Variants in DSC1 observed in about 807,000 individuals in gnomAD.
DSC1 encodes the protein desmocollin-1.
Under a neutral mutation model 98.8 loss-of-function variants are expected in DSC1, and 79 were observed. That is an observed-to-expected ratio of 0.80 (90% confidence interval 0.67 to 0.96). The LOEUF (loss-of-function observed/expected upper bound fraction) is 0.96, where lower values mean the gene tolerates loss of function less well. Among genes scored for constraint, DSC1 ranks in the 50% least tolerant of loss-of-function variants. The pLI is 0.00. For missense variants in DSC1, 1,115 were observed against 1,075.9 expected, an observed-to-expected ratio of 1.04 and a Z score of -0.51; for synonymous variants, 405 against 372.1, an observed-to-expected ratio of 1.09 and a Z score of -1.02.
chr18:31,136,001 A>G (rs1017370142), intron 11 of DSC1, among the ~76,000 whole-genome samples: 4 of 152,088 alleles, frequency 2.6e-5, no homozygotes, highest in Non-Finnish European at 4.4e-5. Flanking sequence ...TTTTCTGTTG[A>G]ATAACTACAA....
At chr18:31,149,997 T>C (rs908718616) in intron 5 of DSC1, among the ~76,000 whole-genome samples, 3 of 146,392 alleles carry the variant, frequency 2.0e-5, no homozygotes, top group African/African-American at 7.5e-5. Flanking sequence ...TCATTACCAC[T>C]TCACCATACC....
At position 31,143,756 on chromosome 18, in the gene DSC1, T is replaced by C. The variant is rs368296703; in HGVS notation, c.975A>G (p.Arg325=). 2 of 1,601,846 alleles carry C rather than the reference T, an allele frequency of 1.2e-6. No homozygotes were observed. Among genetic ancestry groups the C allele is most frequent in the Non-Finnish European group, 1.7e-6 (2 of 1,174,094 alleles). ...CDTYQLIMEV[R]DMGGQPFGLF... is the part of the protein sequence containing the mutation. ...AACCGAAAGGCTGACCACCCATGTC[T>C]CGCACTTCCATTATTAACTGGTAAG... Residue 325 remains arginine, a synonymous_variant, in exon 8 of 16, where the codon CGA becomes CGG. Transcript: ENST00000257198.
Position 31,157,449 on chromosome 18 carries a change from A to C in DSC1, c.273T>G (p.Ser91Arg), listed in dbSNP as rs761932486. The C allele has an allele frequency of 6.2e-6, 10 of 1,614,010 alleles. No homozygotes were observed. Among genetic ancestry groups the C allele is most frequent in the South Asian group, 1.1e-5 (1 of 91,082 alleles). Reference sequence around the variant, plus strand: ...GACCATCTGAAAGGAAAATGGAAAAACTTTTCCTTTCAGAAGACAAAATGA... The same window carrying C: ...GACCATCTGAAAGGAAAATGGAAAACCTTTTCCTTTCAGAAGACAAAATGA... Reference protein sequence around the residue: ...HDLILSSERKSFSIFLSDGQR... With the variant: ...HDLILSSERKRFSIFLSDGQR... The change falls in exon 3 of 16, where the codon AGT becomes AGG. Residue 91 changes from serine to arginine, a missense_variant. By Grantham distance (110) the Ser-to-Arg change is moderately radical. Transcript: ENST00000257198.
In DSC1 at chr18:31,140,290, A is replaced by C. The variant is rs753470901; in HGVS notation, c.1272T>G (p.Tyr424Ter). The change falls in exon 10 of 16, where the codon TAT becomes TAG. Residue 424 changes from tyrosine (Y) to a stop codon, truncating the protein, a stop_gained. Transcript: ENST00000257198. LOFTEE classifies it high-confidence loss of function. ...GCAAAATAACTTGGCGATTGACTTC[A>C]TAGTTCAATGGCTGTTAAATAAGCA... ...GVLCVVKPLNYEVNRQVILQV... is the reference protein window; with the variant it reads ...GVLCVVKPLN 3.1e-6 allele frequency: 5 copies of C among 1,613,858 alleles called. No homozygotes were observed. Among genetic ancestry groups the C allele is most frequent in the Non-Finnish European group, 4.2e-6 (5 of 1,179,856 alleles).
At chr18:31,159,589 G>A (rs1405454994) in intron 1 of DSC1, 60 bp from the exon 2 acceptor site, 1 of 1,440,836 alleles carries the variant, frequency 6.9e-7, no homozygotes, top group African/African-American at 1.5e-5. Context: ...TTTTCACATT[G>A]TAGCTTTTTC....
chr18:31,156,248 A>C (rs1242452978), intron 3 of DSC1, 86 bp from the exon 4 acceptor site: 1 of 1,510,526 alleles, frequency 6.6e-7, no homozygotes, highest in Non-Finnish European at 8.9e-7. Flanking sequence ...CAACAAGCAG[A>C]TGTAAGGGTT....
chr18:31,159,966 G>T (rs528351703), intron 1 of DSC1, among the ~76,000 whole-genome samples: 2 of 152,264 alleles, frequency 1.3e-5, no homozygotes, highest in East Asian at 3.9e-4. Flanking sequence ...ATGAAGTCTA[G>T]AAAATAGTTA....
intron 5 of DSC1, among the ~76,000 whole-genome samples, chr18:31,150,336 C>CTACCACTAT (rs1988959245): frequency 3.1e-5 from 1 of 32,466 alleles, no homozygotes; most frequent in Non-Finnish European, 7.2e-5. Flanking sequence ...ACCACCACCA[C>CTACCACTAT]TACCATCACC....
At chr18:31,160,479 T>C (rs1989188714) in intron 1 of DSC1, among the ~76,000 whole-genome samples, 1 of 152,180 alleles carries the variant, frequency 6.6e-6, no homozygotes, top group Non-Finnish European at 1.5e-5. Flanking sequence ...TTAACATCCA[T>C]ATTAAGGATG....
intron 1 of DSC1, 74 bp from the exon 2 acceptor site, chr18:31,159,603 T>C (rs927311526): frequency 1.6e-5 from 22 of 1,351,038 alleles, no homozygotes; most frequent in Non-Finnish European, 2.0e-5. Context: ...CTTTTTCTTA[T>C]TGATAAAAAT....
In DSC1 at chr18:31,161,345, CGT is replaced by C. The variant is rs377346966; in HGVS notation, c.63+1185_63+1186del. Among the ~76,000 whole-genome samples the C allele has an allele frequency of 7.7e-3, 1,160 of 151,204 alleles. 13 individuals are homozygous for C. Among genetic ancestry groups the C allele is most frequent in the African/African-American group, 0.027 (1,105 of 40,914 alleles). On this transcript the variant is annotated intron_variant, in intron 1 of 15. Transcript: ENST00000257198. ...TTTGCAGAGCATGACTGTATATGTG[CGT>C]GTGTGTATATATATATAAATGTACA...
chr18:31,131,796 G>A lies in DSC1; in HGVS notation c.2285C>T (p.Thr762Ile), dbSNP rs771942983. 9 of 1,614,078 alleles carry A rather than the reference G, an allele frequency of 5.6e-6. No homozygotes were observed. The highest frequency in any genetic ancestry group is 1.6e-4 in the Middle Eastern group (1 of 6,062). Reference protein sequence around the residue: ...LPMQTSNICDTSMSVGTVGGQ... With the variant: ...LPMQTSNICDISMSVGTVGGQ... ...ACCAACAGTACCAACAGACATGCTT[G>A]TGTCACAAATGTTGGATGTCTGCAT... Residue 762 changes from threonine to isoleucine, a missense_variant, in exon 15 of 16, where the codon ACA (threonine) becomes ATA (isoleucine). Thr to Ile is a moderately conservative substitution (Grantham distance 89). Transcript: ENST00000257198.
chr18:31,154,122 C>T (rs1219630361), intron 5 of DSC1, among the ~76,000 whole-genome samples: 1 of 151,990 alleles, frequency 6.6e-6, no homozygotes, highest in Non-Finnish European at 1.5e-5. Context: ...TTAACAGAAA[C>T]AAAAGGATTT....
At chr18:31,138,422 T>C (rs1988657342) in intron 11 of DSC1, among the ~76,000 whole-genome samples, 1 of 152,158 alleles carries the variant, frequency 6.6e-6, no homozygotes, top group Non-Finnish European at 1.5e-5. Flanking sequence ...ACTATAATAA[T>C]TCTATAGTTG....
chr18:31,143,880 G>C, intron 7 of DSC1, 89 bp from the exon 8 acceptor site: 1 of 925,798 alleles, frequency 1.1e-6, no homozygotes, highest in Admixed American at 3.6e-5. Context: ...CACGATTATT[G>C]TACAAATATT....
chr18:31,150,292 C>CACTACCATCACCACCACCACT (rs1988952246), intron 5 of DSC1, among the ~76,000 whole-genome samples: 1 of 143,836 alleles, frequency 7.0e-6, no homozygotes, highest in African/African-American at 2.6e-5. Context: ...CCACCACCAC[C>CACTACCATCACCACCACCACT]ACTACCATCA....
intron 1 of DSC1, among the ~76,000 whole-genome samples, chr18:31,162,286 AGAGGGATTCCCTTG>A: frequency 6.6e-6 from 1 of 152,320 alleles, no homozygotes; most frequent in Admixed American, 6.5e-5. Context: ...GCAGGATGGA[AGAGGGATTCCCTTG>A]AAAACTTTTA....
chr18:31,131,342 A>G (rs898378899), intron 15 of DSC1: 1 of 482,736 alleles, frequency 2.1e-6, no homozygotes, highest in Non-Finnish European at 3.6e-6. Context: ...GAGGCTATGA[A>G]CCTTTTATCC....
chr18:31,149,586 A>T (rs1988917990), intron 5 of DSC1, among the ~76,000 whole-genome samples: 1 of 152,196 alleles, frequency 6.6e-6, no homozygotes, highest in Non-Finnish European at 1.5e-5. Context: ...ACTTTGCTGC[A>T]GTTGTTCTGA....
Sources: gnomAD v4.1 joint callset for allele counts (sites outside exome capture counted in the v4.1 genomes callset) on GRCh38, gnomAD v4.1.1 for gene constraint, MANE v1.5 for transcripts, NCBI Gene and HGNC (gene_info 2026-07-23, HGNC 2026-07-21) for gene names.